HSD17B4: variants seen among roughly 807,000 people sequenced by gnomAD.
HSD17B4 encodes hydroxysteroid 17-beta dehydrogenase 4, also known as peroxisomal multifunctional enzyme type 2.
A neutral mutation model predicts 101.0 loss-of-function variants in HSD17B4; 70 were observed. The observed-to-expected ratio is 0.69, with a 90% CI of 0.57 to 0.85. The LOEUF is 0.85. Ranked by LOEUF, HSD17B4 falls within the 40% of genes least tolerant of loss-of-function variation. HSD17B4 has a pLI of 0.00. For missense variants in HSD17B4, 984 were observed against 892.4 expected (o/e 1.10, Z -1.31); for synonymous variants, 347 against 297.1 (o/e 1.17, Z -1.73).
At chr5:119,499,620 T>C (rs1750974756) in intron 13 of HSD17B4, 67 bp downstream of exon 13, 1 of 848,232 alleles carries the variant, frequency 1.2e-6, no homozygotes, top group Admixed American at 1.7e-5. Flanking sequence ...TAATGTCATA[T>C]CTTATATATA....
intron 14 of HSD17B4, among the ~76,000 whole-genome samples, chr5:119,506,200 T>C (rs1372731298): frequency 6.6e-6 from 1 of 152,158 alleles, no homozygotes; most frequent in Non-Finnish European, 1.5e-5. Context: ...CGGTGTGTGA[T>C]GTTCCCCTCC....
intron 2 of HSD17B4, among the ~76,000 whole-genome samples, chr5:119,460,386 A>G (rs1296907580): frequency 1.3e-5 from 2 of 152,252 alleles, no homozygotes; most frequent in African/African-American, 2.4e-5. Context: ...GCACATGTGA[A>G]TTCCAGCTGA....
chr5:119,482,014 C>T (rs1749185723), intron 8 of HSD17B4, among the ~76,000 whole-genome samples: 1 of 151,954 alleles, frequency 6.6e-6, no homozygotes, highest in Non-Finnish European at 1.5e-5. Context: ...ATTTATGCTG[C>T]CTGGTGTCCT....
rs76121444 is a variant in HSD17B4 at position 119,502,900 on chromosome 5, C to T, written c.1261+808C>T. On this transcript the variant is annotated intron_variant, in intron 14 of 23. Transcript: ENST00000510025. ...AGCTCTTTTTATGTGAAACAGTACACTTTGTGGTGATTGTGCATTGATCAA... is the reference window on the plus strand; with the variant it reads ...AGCTCTTTTTATGTGAAACAGTACATTTTGTGGTGATTGTGCATTGATCAA... Among the ~76,000 whole-genome samples the T allele has an allele frequency of 1.6e-3, 251 of 152,184 alleles. 1 individual carries two copies. The East Asian group carries it at 0.019, about 12-fold the overall frequency.
intron 2 of HSD17B4, among the ~76,000 whole-genome samples, chr5:119,461,250 A>G (rs1364605215): frequency 6.6e-6 from 1 of 152,240 alleles, no homozygotes; most frequent in Non-Finnish European, 1.5e-5. Flanking sequence ...AATAAAGGAC[A>G]TTTACAAATC....
chr5:119,475,680 G>A lies in HSD17B4; in HGVS notation c.281-26G>A, dbSNP rs767370548. On this transcript the variant is annotated intron_variant, in intron 4 of 23. Transcript: ENST00000510025. ...CAAACTAATATGCTTGCTTTTAGATGTAACTTGTATCTTTTTATATTGTAG... is the reference window on the plus strand; with the variant it reads ...CAAACTAATATGCTTGCTTTTAGATATAACTTGTATCTTTTTATATTGTAG... 9 of 1,567,358 alleles carry A rather than the reference G, an allele frequency of 5.7e-6. No homozygotes were observed. The African/African-American group carries it at 9.5e-5, about 16-fold the overall frequency.
At chr5:119,515,680 G>T (rs1752545038) in intron 17 of HSD17B4, among the ~76,000 whole-genome samples, 1 of 152,118 alleles carries the variant, frequency 6.6e-6, no homozygotes, top group South Asian at 2.1e-4. Flanking sequence ...ATTTTTGAGA[G>T]ACCTTAAGAT....
chr5:119,524,803 G>A (rs367603212), intron 17 of HSD17B4, among the ~76,000 whole-genome samples: 1 of 152,052 alleles, frequency 6.6e-6, no homozygotes, highest in Non-Finnish European at 1.5e-5. Flanking sequence ...TTCTATGTCC[G>A]ATATTGTCTT....
At chr5:119,467,740 T>C (rs1330373700) in intron 2 of HSD17B4, among the ~76,000 whole-genome samples, 2 of 152,250 alleles carry the variant, frequency 1.3e-5, no homozygotes, top group African/African-American at 4.8e-5. Context: ...CTACTTTTTG[T>C]ATACGTGGGT....
At chr5:119,529,831 C>A in intron 20 of HSD17B4, 63 bp from the exon 21 acceptor site, 1 of 944,004 alleles carries the variant, frequency 1.1e-6, no homozygotes, top group South Asian at 1.3e-5. Flanking sequence ...TGTACTGTTT[C>A]ACAGTGAAAT....
rs998893549 is a variant in HSD17B4 at position 119,476,587 on chromosome 5, T to A, written c.349+717T>A. ...TGGAAGAAGAGTTAGTGTCTTTGAT[T>A]TAGAATTAAGCTAAGAAGAGCTTTT... On this transcript the variant is annotated intron_variant, in intron 6 of 23. Transcript: ENST00000510025. 1.5e-5 allele frequency: 15 copies of A among 985,190 alleles called. No homozygotes were observed. In the Admixed American group the frequency reaches 9.2e-4, roughly 61 times the overall value. The allele number at this position is 985,190 out of a possible 1,614,324, so 61.0% of individuals were successfully genotyped here.
chr5:119,493,980 G>A (rs768054028), intron 11 of HSD17B4, 34 bp downstream of exon 11: 8 of 1,609,848 alleles, frequency 5.0e-6, no homozygotes, highest in Non-Finnish European at 5.9e-6. Context: ...GCCCTGGTTG[G>A]GGAATCAGAG....
chr5:119,500,698 T>C (rs1751078190), intron 13 of HSD17B4, among the ~76,000 whole-genome samples: 1 of 151,910 alleles, frequency 6.6e-6, no homozygotes, highest in African/African-American at 2.4e-5. Context: ...GGCCCTGAAA[T>C]GTTGAGAGGG....
At chr5:119,504,133 A>C (rs976833101) in intron 14 of HSD17B4, among the ~76,000 whole-genome samples, 6 of 152,184 alleles carry the variant, frequency 3.9e-5, no homozygotes, top group African/African-American at 1.4e-4. Flanking sequence ...ATGGCTGCGT[A>C]GTATTCCATG....
Position 119,519,778 on chromosome 5 carries a change from A to G in HSD17B4, c.1503+4732A>G, listed in dbSNP as rs530755616. On this transcript the variant is annotated intron_variant, in intron 17 of 23. Transcript: ENST00000510025. ...AGCAACACAAGCATTCATCTTATCTAGAAGAGTCCCAGCATTTAATTTAGT... is the reference window on the plus strand; with the variant it reads ...AGCAACACAAGCATTCATCTTATCTGGAAGAGTCCCAGCATTTAATTTAGT... 4.6e-5 allele frequency among the ~76,000 whole-genome samples: 7 copies of G among 152,354 alleles called. No homozygotes were observed. The South Asian group carries it at 1.0e-3, about 23-fold the overall frequency.
intron 17 of HSD17B4, among the ~76,000 whole-genome samples, chr5:119,524,457 G>T (rs977800457): frequency 1.3e-5 from 2 of 152,146 alleles, no homozygotes; most frequent in Non-Finnish European, 2.9e-5. Context: ...TCTTGAGGCT[G>T]ACCTAAAAGG....
intron 23 of HSD17B4, among the ~76,000 whole-genome samples, chr5:119,540,500 T>C (rs563715197): frequency 1.3e-5 from 2 of 152,346 alleles, no homozygotes; most frequent in African/African-American, 2.4e-5. Flanking sequence ...TTGTTTTAGG[T>C]TGTAAATCTC....
chr5:119,504,916 T>C (rs191061832), intron 14 of HSD17B4, among the ~76,000 whole-genome samples: 1 of 152,322 alleles, frequency 6.6e-6, no homozygotes, highest in African/African-American at 2.4e-5. Flanking sequence ...CATCTTGAGT[T>C]AATTTTTGTA....
At chr5:119,532,181 A>T (rs1051882674) in intron 22 of HSD17B4, among the ~76,000 whole-genome samples, 1 of 152,154 alleles carries the variant, frequency 6.6e-6, no homozygotes, top group Non-Finnish European at 1.5e-5. Context: ...AGATTCTTCA[A>T]TTAGGTTGAA....
Sources: allele counts gnomAD v4.1 joint callset (sites outside exome capture counted in the v4.1 genomes callset), GRCh38; gene constraint gnomAD v4.1.1; transcripts MANE v1.5; gene names NCBI Gene and HGNC (gene_info 2026-07-23, HGNC 2026-07-21).